Variants in BTN2A1 observed in about 807,000 individuals in gnomAD.
The protein encoded by BTN2A1 is butyrophilin subfamily 2 member A1, also known as butyrophilin, subfamily 2, member A1.
BTN2A1 carries 41 observed loss-of-function variants against 34.5 expected under a neutral mutation model. That is an observed-to-expected ratio of 1.19 (90% CI 0.93 to 1.54). The LOEUF (loss-of-function observed/expected upper bound fraction) is 1.54, where lower values mean the gene tolerates loss of function less well. Ranked by LOEUF, BTN2A1 falls within the 40% of genes most tolerant of loss-of-function variation. BTN2A1 has a pLI of 0.00. For synonymous variants in BTN2A1, 267 were observed against 258.6 expected (o/e 1.03, Z -0.31); for missense variants, 642 against 662.0 (o/e 0.97, Z 0.33).
rs370212854 is a variant in BTN2A1 at position 26,459,831 on chromosome 6, G to C, written c.430+3G>C. On this transcript the variant is annotated splice_donor_region_variant and intron_variant, in intron 3 of 7. Transcript: ENST00000312541. ...CATCCTGCACCTCGTAGTGGCAGGTGCGTCGCTTCATTTTGCTTTGTTACT... is the reference window on the plus strand; with the variant it reads ...CATCCTGCACCTCGTAGTGGCAGGTCCGTCGCTTCATTTTGCTTTGTTACT... 3 of 1,608,682 alleles carry C rather than the reference G, an allele frequency of 1.9e-6. No homozygotes were observed. In the South Asian group the frequency reaches 3.3e-5, roughly 18 times the overall value.
chr6:26,463,060 GGT>G (rs765910494), intron 3 of BTN2A1, among the ~76,000 whole-genome samples, 182 bp from the exon 4 acceptor site: 1 of 152,128 alleles, frequency 6.6e-6, no homozygotes, highest in Non-Finnish European at 1.5e-5. Context: ...TTGGCCTGCT[GGT>G]GTTCTCCAAC....
At chr6:26,467,666 A>G (rs1484331031) in intron 7 of BTN2A1, 2 of 1,511,066 alleles carry the variant, frequency 1.3e-6, no homozygotes, top group African/African-American at 2.8e-5. Context: ...GCTGAGAGAA[A>G]GTATAAGAAT....
At chr6:26,467,646 A>T in intron 7 of BTN2A1, 1 of 1,454,822 alleles carries the variant, frequency 6.9e-7, no homozygotes. Context: ...AAGGGAACAC[A>T]TCTTAGAATG....
At chr6:26,464,465 A>G (rs188910201) in intron 4 of BTN2A1, among the ~76,000 whole-genome samples, 10 of 152,314 alleles carry the variant, frequency 6.6e-5, no homozygotes, top group East Asian at 1.9e-4. Context: ...AGACATTGCA[A>G]TTCTTAACAG....
At chr6:26,471,031 A>G (rs886652374), downstream of BTN2A1, among the ~76,000 whole-genome samples, 3 of 152,230 alleles carry the variant, frequency 2.0e-5, no homozygotes, top group Non-Finnish European at 2.9e-5. Flanking sequence ...GCTGGCTTAA[A>G]TGATAGTGTT....
intron 3 of BTN2A1, among the ~76,000 whole-genome samples, chr6:26,460,889 G>A (rs771825693): frequency 2.6e-5 from 4 of 152,092 alleles, no homozygotes; most frequent in Admixed American, 6.5e-5. Flanking sequence ...CAGCCTGGGC[G>A]ACAGAGCAAG....
At position 26,476,135 on chromosome 6, in the gene BTN2A1, C is replaced by G. The variant is rs1473664058; in HGVS notation, c.*3C>G. On this transcript the variant is annotated 3_prime_UTR_variant, in exon 8 of 8. Coordinates refer to the BTN2A1 transcript ENST00000469185. Reference sequence around the variant, plus strand: ...TTTGAGTTGTAGGGCCAGTTTGAAGCTTTATATATCATTTACCAAACTTAG... The same window carrying G: ...TTTGAGTTGTAGGGCCAGTTTGAAGGTTTATATATCATTTACCAAACTTAG... 4 of 1,536,212 alleles carry G rather than the reference C, an allele frequency of 2.6e-6. No homozygotes were observed. In the Admixed American group the frequency reaches 7.8e-5, roughly 30 times the overall value.
exon 8 of BTN2A1, chr6:26,476,206 TG>T (rs1763536061): frequency 1.3e-6 from 2 of 1,522,596 alleles, no homozygotes; most frequent in Admixed American, 3.9e-5. Flanking sequence ...AAATCTCCAC[TG>T]GAGAGAAGAC....
At chr6:26,472,621 A>G (rs1263630806), downstream of BTN2A1, among the ~76,000 whole-genome samples, 2 of 152,004 alleles carry the variant, frequency 1.3e-5, no homozygotes, top group Non-Finnish European at 1.5e-5. Flanking sequence ...CAAGCAGGGG[A>G]CCTCTGGCCA....
At chr6:26,470,243 A>C (rs1763424687), downstream of BTN2A1, among the ~76,000 whole-genome samples, 1 of 152,138 alleles carries the variant, frequency 6.6e-6, no homozygotes, top group African/African-American at 2.4e-5. Context: ...GCTACTCAGG[A>C]GGCTGAGACA....
At chr6:26,458,561 A>T in intron 1 of BTN2A1, 46 bp from the exon 2 acceptor site, 1 of 1,525,240 alleles carries the variant, frequency 6.6e-7, no homozygotes, top group Non-Finnish European at 9.1e-7. Flanking sequence ...CCCGACCAGC[A>T]CTGAGGTGCC....
chr6:26,466,339 A>G (rs1055713324), intron 7 of BTN2A1, among the ~76,000 whole-genome samples: 1 of 152,242 alleles, frequency 6.6e-6, no homozygotes, highest in Non-Finnish European at 1.5e-5. Flanking sequence ...ATGCATGATT[A>G]CCAGAGGTGT....
chr6:26,468,673 C>G lies in BTN2A1; in HGVS notation c.*124C>G. ...GGTCACACAAGAGAACATCTTCCAG[C>G]TGCCTCTTTCACACCCACTACAGAC... is the stretch of plus-strand genomic sequence containing the variant. On this transcript the variant is annotated 3_prime_UTR_variant, in exon 8 of 8. Coordinates refer to ENST00000312541, the MANE Select transcript of BTN2A1 (RefSeq NM_007049.5). The G allele has an allele frequency of 6.2e-7, 1 of 1,613,534 alleles. No homozygotes were observed. The highest frequency in any genetic ancestry group is 8.5e-7 in the Non-Finnish European group (1 of 1,179,980).
At position 26,465,275 on chromosome 6, in the gene BTN2A1, G is replaced by T; in HGVS notation, c.803G>T (p.Trp268Leu). ...LMIPIAVCIY[W>L]INKLQKEKKI... Reference sequence around the variant, plus strand: ...ATACCCATTGCCGTATGCATCTATTGGATCAACAAACTCCAAAAGGAAAAA... The same window carrying T: ...ATACCCATTGCCGTATGCATCTATTTGATCAACAAACTCCAAAAGGAAAAA... Residue 268 changes from tryptophan to leucine, a missense_variant, in exon 5 of 8, where the codon TGG (tryptophan) becomes TTG (leucine). Coordinates refer to ENST00000312541, the MANE Select transcript of BTN2A1 (RefSeq NM_007049.5). 1 of 1,614,006 alleles carries T rather than the reference G, an allele frequency of 6.2e-7. No individual in the cohort carries two copies.
intron 3 of BTN2A1, chr6:26,462,804 G>A: frequency 7.8e-7 from 1 of 1,286,800 alleles, no homozygotes; most frequent in Non-Finnish European, 1.0e-6. Flanking sequence ...TAGAGCTTCT[G>A]GAAGCTGAGG....
Position 26,468,387 on chromosome 6 carries a change from A to C in BTN2A1, c.1422A>C (p.Thr474=), listed in dbSNP as rs753903964. 1.2e-6 allele frequency: 2 copies of C among 1,614,194 alleles called. No homozygotes were observed. Among genetic ancestry groups the C allele is most frequent in the Non-Finnish European group, 1.7e-6 (2 of 1,180,038 alleles). Residue 474 remains threonine (T), a synonymous_variant, in exon 8 of 8, where the codon ACA becomes ACC. Coordinates refer to ENST00000312541, the MANE Select transcript of BTN2A1 (RefSeq NM_007049.5). ...TGAGGGACAGATCGCACATCTACAC[A>C]TGTCCCCGTTCAGCCTTTTCCGTGC... The part of the protein sequence containing the change: ...YNMRDRSHIY[T]CPRSAFSVPV...
intron 3 of BTN2A1, among the ~76,000 whole-genome samples, chr6:26,460,480 A>G (rs1763138071): frequency 6.6e-6 from 1 of 152,240 alleles, no homozygotes; most frequent in Non-Finnish European, 1.5e-5. Flanking sequence ...CCATAGAGAA[A>G]GACTACGAAT....
chr6:26,470,909 G>A (rs1366133001), downstream of BTN2A1, among the ~76,000 whole-genome samples: 2 of 152,092 alleles, frequency 1.3e-5, no homozygotes, highest in African/African-American at 4.8e-5. Context: ...GATTTCTCAG[G>A]CTACATAATT....
In BTN2A1 at chr6:26,462,958, T is replaced by C. The variant is rs1763204607; in HGVS notation, c.431-286T>C. ...GCATTTATGGCAGACAGATAGATGC[T>C]TGGTGCTGTGATGGGGCCTATAGGT... On this transcript the variant is annotated intron_variant, in intron 3 of 7. Coordinates refer to ENST00000312541, the MANE Select transcript of BTN2A1 (RefSeq NM_007049.5). 15 of 1,243,828 alleles carry C rather than the reference T, an allele frequency of 1.2e-5. No individual in the cohort carries two copies. In the South Asian group the frequency reaches 1.8e-4, roughly 15 times the overall value. 77.0% of individuals were successfully genotyped at this position (1,243,828 alleles called of 1,614,324 possible). A position where few individuals can be genotyped will look rare whatever the true frequency, so the allele number is the denominator to read the frequency against.
Sources: allele counts gnomAD v4.1 joint callset (sites outside exome capture counted in the v4.1 genomes callset), GRCh38; gene constraint gnomAD v4.1.1; transcripts MANE v1.5; gene names NCBI Gene and HGNC (gene_info 2026-07-23, HGNC 2026-07-21).